The following FOXP1 variants were observed in gnomAD, a reference collection of about 807,000 sequenced individuals.
FOXP1 encodes forkhead box P1.
A neutral mutation model predicts 98.2 loss-of-function variants in FOXP1; 15 were observed. The ratio of observed to expected loss-of-function variants is 0.15; its 90% CI spans 0.10 to 0.24. The LOEUF (loss-of-function observed/expected upper bound fraction) is 0.24, where lower values mean the gene tolerates loss of function less well. Among genes scored for constraint, FOXP1 ranks in the 10% least tolerant of loss-of-function variants. FOXP1 has a pLI of 1.00. For synonymous variants in FOXP1, 371 were observed against 314.5 expected (o/e 1.18, Z -1.90); for missense variants, 633 against 848.5 (o/e 0.75, Z 3.15).
chr3:71,015,574 A>G lies in FOXP1; in HGVS notation c.949T>C (p.Cys317Arg). ...VCKWPGCEAV[C>R]EDFQSFLKHL... Reference sequence around the variant, plus strand: ...TTTAGAAATGATTGGAAATCTTCGCACACTGCTTCACAGCCTGGCCACTTG... The same window carrying G: ...TTTAGAAATGATTGGAAATCTTCGCGCACTGCTTCACAGCCTGGCCACTTG... The change falls in exon 12 of 21, where the codon TGC becomes CGC. Residue 317 changes from cysteine (C) to arginine (R), a missense_variant. By Grantham distance (180) the Cys-to-Arg change is radical. Coordinates refer to ENST00000649528, the MANE Select transcript of FOXP1 (RefSeq NM_001349338.3). The G allele has an allele frequency of 6.2e-7, 1 of 1,612,582 alleles. No individual in the cohort carries two copies. Among genetic ancestry groups the G allele is most frequent in the Non-Finnish European group, 8.5e-7 (1 of 1,178,744 alleles).
At chr3:71,214,524 G>C (rs1482173708) in intron 5 of FOXP1, among the ~76,000 whole-genome samples, 1 of 152,158 alleles carries the variant, frequency 6.6e-6, no homozygotes, top group African/African-American at 2.4e-5. Context: ...ACTTTTGAAA[G>C]GGTGTTGCTA....
chr3:70,975,339 A>T lies in FOXP1; in HGVS notation c.1530+1602T>A, dbSNP rs141833431. Among the ~76,000 whole-genome samples, 67 of 152,304 alleles carry T rather than the reference A, an allele frequency of 4.4e-4. No homozygotes were observed. The East Asian group carries it at 0.012, about 28-fold the overall frequency. ...TCTTCCAAGGCAGGCTGAGGCAAAG[A>T]GGGTAAGATTTTGAACATAGGTTCC... is the stretch of plus-strand genomic sequence containing the variant. On this transcript the variant is annotated intron_variant, in intron 17 of 20. Coordinates refer to ENST00000649528, the MANE Select transcript of FOXP1 (RefSeq NM_001349338.3).
intron 6 of FOXP1, among the ~76,000 whole-genome samples, chr3:71,138,563 T>G (rs1225770089): frequency 6.6e-6 from 1 of 152,214 alleles, no homozygotes; most frequent in Non-Finnish European, 1.5e-5. Flanking sequence ...TTAAGAAAGA[T>G]AACCCCAGTT....
At chr3:71,565,761 C>T (rs2046863870) in intron 2 of FOXP1, among the ~76,000 whole-genome samples, 1 of 152,116 alleles carries the variant, frequency 6.6e-6, no homozygotes, top group African/African-American at 2.4e-5. Context: ...TGACAAAGAT[C>T]TCTACGCATA....
At chr3:71,175,140 CTGACCTCG>C (rs2061869118) in intron 6 of FOXP1, among the ~76,000 whole-genome samples, 1 of 152,162 alleles carries the variant, frequency 6.6e-6, no homozygotes, top group African/African-American at 2.4e-5. Context: ...TCTCGAACTC[CTGACCTCG>C]TGATCCATCC....
At chr3:71,333,953 T>A in intron 4 of FOXP1, 1 of 147,180 alleles carries the variant, frequency 6.8e-6, no homozygotes, top group Non-Finnish European at 1.5e-5. Flanking sequence ...GAAAATACAC[T>A]AGAGGGACAG....
At chr3:71,475,624 C>T (rs2089761328) in intron 3 of FOXP1, among the ~76,000 whole-genome samples, 1 of 152,152 alleles carries the variant, frequency 6.6e-6, no homozygotes, top group African/African-American at 2.4e-5. Context: ...GGGCAGATCA[C>T]TTGAGGTCAG....
chr3:71,475,125 T>C (rs941320733), intron 3 of FOXP1, among the ~76,000 whole-genome samples: 1 of 152,020 alleles, frequency 6.6e-6, no homozygotes, highest in African/African-American at 2.4e-5. Context: ...ACAATTCCTA[T>C]TCCATCTCAC....
At chr3:70,969,882 C>T (rs2035830801) in intron 19 of FOXP1, 1 of 152,126 alleles carries the variant, frequency 6.6e-6, no homozygotes, top group Admixed American at 6.6e-5. Context: ...GGGGCAAAAA[C>T]AGGACCACTG....
chr3:71,236,841 C>T (rs994030078), intron 5 of FOXP1, among the ~76,000 whole-genome samples: 3 of 151,186 alleles, frequency 2.0e-5, no homozygotes, highest in Non-Finnish European at 4.4e-5. Flanking sequence ...CCACTGCACT[C>T]CAGCCTGAGT....
chr3:71,243,384 T>A (rs2067451935), intron 5 of FOXP1, among the ~76,000 whole-genome samples: 1 of 152,192 alleles, frequency 6.6e-6, no homozygotes, highest in South Asian at 2.1e-4. Context: ...AACAGGAATG[T>A]GCGAGCACAG....
At chr3:71,013,203 C>CACTT (rs1487674294) in intron 12 of FOXP1, among the ~76,000 whole-genome samples, 1 of 152,158 alleles carries the variant, frequency 6.6e-6, no homozygotes, top group Non-Finnish European at 1.5e-5. Flanking sequence ...ATTGTTACTC[C>CACTT]ACTTTCCCTA....
At chr3:71,337,633 T>C (rs1001069900) in intron 4 of FOXP1, among the ~76,000 whole-genome samples, 1 of 152,188 alleles carries the variant, frequency 6.6e-6, no homozygotes, top group Non-Finnish European at 1.5e-5. Flanking sequence ...AGAAGATTGA[T>C]CAATGATATG....
chr3:71,091,259 G>A (rs966134248), intron 7 of FOXP1, among the ~76,000 whole-genome samples: 1 of 152,086 alleles, frequency 6.6e-6, no homozygotes, highest in Non-Finnish European at 1.5e-5. Context: ...GGAGGCCAAG[G>A]TGGGTGGATC....
chr3:71,231,654 T>C (rs986300292), intron 5 of FOXP1, among the ~76,000 whole-genome samples: 1 of 152,168 alleles, frequency 6.6e-6, no homozygotes, highest in Non-Finnish European at 1.5e-5. Flanking sequence ...TTTTAAACTA[T>C]AAAGTTAAGA....
At chr3:71,194,261 CAAAAA>C (rs11445848) in intron 6 of FOXP1, among the ~76,000 whole-genome samples, 1 of 113,762 alleles carries the variant, frequency 8.8e-6, no homozygotes, top group Non-Finnish European at 2.0e-5. Context: ...CAGGTGGTAC[CAAAAA>C]AAAAAAAAAA....
chr3:71,333,454 T>A (rs890389723), intron 4 of FOXP1: 1 of 152,196 alleles, frequency 6.6e-6, no homozygotes, highest in African/African-American at 2.4e-5. Flanking sequence ...ATCAGACATG[T>A]CATTACTTGT....
intron 5 of FOXP1, among the ~76,000 whole-genome samples, chr3:71,262,410 G>A (rs1410619776): frequency 6.6e-6 from 1 of 151,816 alleles, no homozygotes; most frequent in African/African-American, 2.4e-5. Context: ...TGGGGCAGAG[G>A]AGAGGGGCTG....
chr3:71,526,430 T>C lies in FOXP1; in HGVS notation c.-297-32875A>G, dbSNP rs370444328. Among the ~76,000 whole-genome samples the C allele has an allele frequency of 2.5e-3, 388 of 152,242 alleles. 11 individuals are homozygous for C. In the South Asian group the frequency reaches 0.074, roughly 29 times the overall value. Reference sequence around the variant, plus strand: ...CCCTGCTGAAAGGTACAGTCAGTAATAGTCTAAACACAAACTACACATCAT... The same window carrying C: ...CCCTGCTGAAAGGTACAGTCAGTAACAGTCTAAACACAAACTACACATCAT... On this transcript the variant is annotated intron_variant, in intron 2 of 20. Transcript: ENST00000649528.
Sources: allele counts gnomAD v4.1 joint callset (sites outside exome capture counted in the v4.1 genomes callset), GRCh38; gene constraint gnomAD v4.1.1; transcripts MANE v1.5; gene names NCBI Gene and HGNC (gene_info 2026-07-23, HGNC 2026-07-21).